Variants in RUNX1T1 observed in about 807,000 individuals in gnomAD.
RUNX1T1 encodes protein CBFA2T1.
In RUNX1T1, 4 loss-of-function variants were observed where a neutral mutation model predicts 62.8. The ratio of observed to expected loss-of-function variants is 0.06; its 90% CI spans 0.03 to 0.15. The LOEUF is 0.15. Among genes scored for constraint, RUNX1T1 ranks in the 10% least tolerant of loss-of-function variants. RUNX1T1 has a pLI of 1.00. For missense variants in RUNX1T1, 508 were observed against 754.3 expected, an observed-to-expected ratio of 0.67 and a Z score of 3.82; for synonymous variants, 291 against 286.0, an observed-to-expected ratio of 1.02 and a Z score of -0.18.
Position 92,034,692 on chromosome 8 carries a change from A to G in RUNX1T1, c.8-17329T>C, listed in dbSNP as rs570513066. 4.0e-5 allele frequency among the ~76,000 whole-genome samples: 6 copies of G among 149,824 alleles called. No homozygotes were observed. In the South Asian group the frequency reaches 1.0e-3, roughly 26 times the overall value. ...TATATGTGTGTGTGTGTGTGTGTGT[A>G]TACATGTATACATATATATACACAT... On this transcript the variant is annotated intron_variant, in intron 1 of 10. Transcript: ENST00000396218.
chr8:92,073,869 T>A (rs1320466406), intron 2 of RUNX1T1, among the ~76,000 whole-genome samples: 1 of 152,108 alleles, frequency 6.6e-6, no homozygotes, highest in Non-Finnish European at 1.5e-5. Context: ...CCTGAATTTT[T>A]AATTTTTTTG....
At chr8:92,002,806 C>T (rs1329545680) in intron 5 of RUNX1T1, among the ~76,000 whole-genome samples, 6 of 152,094 alleles carry the variant, frequency 3.9e-5, no homozygotes. Context: ...TGTCAGACAG[C>T]TCCATACTCT....
chr8:92,014,238 G>T (rs948395087), intron 3 of RUNX1T1, among the ~76,000 whole-genome samples: 4 of 151,960 alleles, frequency 2.6e-5, no homozygotes, highest in Non-Finnish European at 5.9e-5. Context: ...CACTAGGCAT[G>T]CCAGGAAAGT....
At chr8:91,997,950 T>C (rs1819024528) in intron 5 of RUNX1T1, among the ~76,000 whole-genome samples, 1 of 152,232 alleles carries the variant, frequency 6.6e-6, no homozygotes, top group South Asian at 2.1e-4. Context: ...TTTATTCTTA[T>C]ATTTTAGAAG....
chr8:92,067,700 T>C (rs977227219), upstream of RUNX1T1, among the ~76,000 whole-genome samples: 12 of 152,204 alleles, frequency 7.9e-5, no homozygotes, highest in East Asian at 2.3e-3. Flanking sequence ...TGTGTATTAG[T>C]ATATTTAAGT....
At chr8:91,982,920 T>G (rs1434114335) in intron 8 of RUNX1T1, among the ~76,000 whole-genome samples, 11 of 6,152 alleles carry the variant, frequency 1.8e-3, no homozygotes, top group African/African-American at 9.9e-3. Context: ...GGAAAATACT[T>G]TTTTTTTTTT....
intron 1 of RUNX1T1, among the ~76,000 whole-genome samples, chr8:92,043,244 A>T (rs1828780078): frequency 1.3e-5 from 2 of 152,212 alleles, no homozygotes; most frequent in Admixed American, 1.3e-4. Context: ...TTCAATTTAA[A>T]AATTATTTTA....
upstream of RUNX1T1, among the ~76,000 whole-genome samples, chr8:92,100,436 A>G (rs1032015250): frequency 1.3e-5 from 2 of 152,252 alleles, no homozygotes; most frequent in African/African-American, 2.4e-5. Flanking sequence ...GAACAAAAAT[A>G]TTTAATAAAA....
chr8:92,019,371 C>A (rs947530430), intron 1 of RUNX1T1, among the ~76,000 whole-genome samples: 6 of 151,812 alleles, frequency 4.0e-5, no homozygotes, highest in African/African-American at 1.5e-4. Flanking sequence ...AGTCCAGATA[C>A]ACAGATTTGA....
At chr8:91,962,047 C>T (rs759687384) in intron 10 of RUNX1T1, among the ~76,000 whole-genome samples, 1 of 152,210 alleles carries the variant, frequency 6.6e-6, no homozygotes, top group Non-Finnish European at 1.5e-5. Context: ...AGCCCATCAC[C>T]CTGTGTATGG....
chr8:92,092,488 T>A (rs539222513), intron 1 of RUNX1T1, among the ~76,000 whole-genome samples: 1 of 152,308 alleles, frequency 6.6e-6, no homozygotes, highest in African/African-American at 2.4e-5. Flanking sequence ...TAGTAAAATA[T>A]CCCTGATTAG....
At chr8:92,020,745 A>C (rs1823921912) in intron 1 of RUNX1T1, among the ~76,000 whole-genome samples, 1 of 152,106 alleles carries the variant, frequency 6.6e-6, no homozygotes, top group Non-Finnish European at 1.5e-5. Flanking sequence ...CAAATGTGGC[A>C]TATATTAATA....
At chr8:91,995,895 G>A (rs967579479) in intron 5 of RUNX1T1, among the ~76,000 whole-genome samples, 3 of 152,208 alleles carry the variant, frequency 2.0e-5, no homozygotes, top group African/African-American at 7.2e-5. Flanking sequence ...TACTTACAAG[G>A]CCAGTTCTAT....
chr8:92,050,091 A>G (rs1306512489), intron 1 of RUNX1T1, among the ~76,000 whole-genome samples: 1 of 152,190 alleles, frequency 6.6e-6, no homozygotes, highest in Non-Finnish European at 1.5e-5. Context: ...TTGAGGAAAA[A>G]AAAAGAAAAT....
intron 1 of RUNX1T1, among the ~76,000 whole-genome samples, chr8:92,082,230 C>T (rs1563922110): frequency 6.6e-6 from 1 of 152,126 alleles, no homozygotes; most frequent in African/African-American, 2.4e-5. Context: ...TTTCTAAGTG[C>T]AGTGAAAGGT....
At chr8:92,098,286 C>T (rs979396803) in intron 1 of RUNX1T1, among the ~76,000 whole-genome samples, 5 of 152,082 alleles carry the variant, frequency 3.3e-5, no homozygotes, top group African/African-American at 7.2e-5. Flanking sequence ...ATTCATGTGA[C>T]CTTTTATTGC....
chr8:91,959,351 G>T, exon 11 of RUNX1T1: 1 of 223,832 alleles, frequency 4.5e-6, no homozygotes, highest in Non-Finnish European at 9.0e-6. Context: ...GGGTTATTTA[G>T]GGCAGCTGGC....
intron 6 of RUNX1T1, among the ~76,000 whole-genome samples, chr8:91,990,787 A>G (rs1299575466): frequency 3.9e-5 from 6 of 151,912 alleles, no homozygotes; most frequent in Non-Finnish European, 8.8e-5. Flanking sequence ...CCCCACAGGT[A>G]GCTGGGGCTA....
chr8:92,030,321 A>T (rs1014907406), intron 1 of RUNX1T1, among the ~76,000 whole-genome samples: 2 of 152,176 alleles, frequency 1.3e-5, no homozygotes, highest in African/African-American at 2.4e-5. Context: ...AGTGTCCCAT[A>T]AGGAAATGGG....
Sources: gnomAD v4.1 joint callset for allele counts (sites outside exome capture counted in the v4.1 genomes callset) on GRCh38, gnomAD v4.1.1 for gene constraint, MANE v1.5 for transcripts, NCBI Gene and HGNC (gene_info 2026-07-23, HGNC 2026-07-21) for gene names.